The following NTN5 variants were observed in gnomAD, a reference collection of about 807,000 sequenced individuals.
The protein encoded by NTN5 is netrin 5, also known as netrin-5.
Under a neutral mutation model 38.7 loss-of-function variants are expected in NTN5, and 42 were observed. The observed-to-expected ratio is 1.08, with a 90% CI of 0.85 to 1.40. The LOEUF is 1.40. NTN5 is among the 40% of genes most tolerant of loss of function. NTN5 has a pLI of 0.00. For missense variants in NTN5, 658 were observed against 716.5 expected (o/e 0.92, Z 0.93); for synonymous variants, 329 against 303.9 (o/e 1.08, Z -0.86).
chr19:48,669,081 A>G (rs1230060835), intron 2 of NTN5, among the ~76,000 whole-genome samples: 3 of 145,352 alleles, frequency 2.1e-5, no homozygotes, highest in African/African-American at 5.3e-5. Context: ...CACTATCACC[A>G]TCATCACCAC....
chr19:48,666,187 G>A (rs1196780524), intron 2 of NTN5, among the ~76,000 whole-genome samples: 7 of 152,158 alleles, frequency 4.6e-5, no homozygotes, highest in African/African-American at 1.7e-4. Flanking sequence ...GTAGTTGGAG[G>A]CAGGACTTAA....
chr19:48,667,119 G>A (rs1186641311), intron 2 of NTN5, among the ~76,000 whole-genome samples: 1 of 152,116 alleles, frequency 6.6e-6, no homozygotes, highest in Non-Finnish European at 1.5e-5. Flanking sequence ...GTTTTTGTGG[G>A]CATTCAAAGT....
chr19:48,662,010 C>A lies in NTN5; in HGVS notation c.1137G>T (p.Ala379=). 6.7e-7 allele frequency: 1 copy of A among 1,487,050 alleles called. No homozygotes were observed. The allele number at this position is 1,487,050 out of a possible 1,614,324, so 92.1% of individuals were successfully genotyped here. Residue 379 remains alanine, a synonymous_variant, in exon 7 of 7, where the codon GCG becomes GCT. Transcript: ENST00000270235. ...CCAGCCGCTGCCATGCCGGGCCCGC[C>A]GCCTCGGACGCTAGCACCTGCGCGC... ...VLRAQVLASE[A]AGPAWQRLAV...
chr19:48,669,551 ACC>A (rs1344943121), intron 2 of NTN5, among the ~76,000 whole-genome samples: 2 of 38,048 alleles, frequency 5.3e-5, no homozygotes, highest in Non-Finnish European at 5.6e-5. Flanking sequence ...CACCACCACC[ACC>A]ATCACCACCA....
intron 2 of NTN5, among the ~76,000 whole-genome samples, chr19:48,669,718 C>T (rs1264566617): frequency 9.4e-5 from 10 of 106,236 alleles, no homozygotes; most frequent in East Asian, 7.0e-4. Flanking sequence ...ACCACCATCA[C>T]CACCACCACC....
chr19:48,661,608 G>C lies in NTN5; in HGVS notation c.*69C>G. ...TTGGCTCTCTGCAGTGCACCGTCGAGGTAGAAGGCTCAGCTCCTAGTCGCT... is the reference window on the plus strand; with the variant it reads ...TTGGCTCTCTGCAGTGCACCGTCGACGTAGAAGGCTCAGCTCCTAGTCGCT... On this transcript the variant is annotated 3_prime_UTR_variant, in exon 7 of 7. Coordinates refer to ENST00000270235, the MANE Select transcript of NTN5 (RefSeq NM_145807.4). 7.1e-7 allele frequency: 1 copy of C among 1,415,730 alleles called. No homozygotes were observed. The highest frequency in any genetic ancestry group is 1.5e-5 in the South Asian group (1 of 67,376). The allele number at this position is 1,415,730 out of a possible 1,614,324, so 87.7% of individuals were successfully genotyped here. A position where few individuals can be genotyped will look rare whatever the true frequency, so the allele number is the denominator to read the frequency against.
At chr19:48,664,548 C>T (rs778458958) in intron 3 of NTN5, 31 bp downstream of exon 3, 1 of 1,544,746 alleles carries the variant, frequency 6.5e-7, no homozygotes. Context: ...TACCTCTGCT[C>T]CCCCCAGGCC....
intron 2 of NTN5, among the ~76,000 whole-genome samples, chr19:48,669,593 A>ACCACCACCACCT: frequency 6.7e-5 from 1 of 15,004 alleles, no homozygotes. Context: ...CACGACCACC[A>ACCACCACCACCT]TCACCACCAC....
Position 48,669,772 on chromosome 19 carries a change from TCACCATCA to T in NTN5, c.631+576_631+583del, listed in dbSNP as rs2031874984. On this transcript the variant is annotated intron_variant, in intron 2 of 6. Transcript: ENST00000270235. Reference sequence around the variant, plus strand: ...ACCATCACCATCGTCACCACTACCATCACCATCACACCACCACCATCACCATCACCACC... The same window carrying T: ...ACCATCACCATCGTCACCACTACCATCACCACCACCATCACCATCACCACC... Among the ~76,000 whole-genome samples the T allele has an allele frequency of 5.6e-5, 3 of 53,348 alleles. No homozygotes were observed. The Admixed American group carries it at 6.5e-4, about 12-fold the overall frequency. 35.0% of individuals were successfully genotyped at this position (53,348 alleles called of 152,430 possible). A position where few individuals can be genotyped will look rare whatever the true frequency, so the allele number is the denominator to read the frequency against.
chr19:48,664,852 A>C, intron 2 of NTN5, 85 bp from the exon 3 acceptor site: 2 of 1,222,400 alleles, frequency 1.6e-6, no homozygotes, highest in South Asian at 3.6e-5. Flanking sequence ...CCCTGCCCTC[A>C]TGAAAGGAAG....
At chr19:48,665,637 G>A (rs1348485584) in intron 2 of NTN5, among the ~76,000 whole-genome samples, 2 of 151,998 alleles carry the variant, frequency 1.3e-5, no homozygotes, top group African/African-American at 4.8e-5. Context: ...CCTGGCCAGC[G>A]TGGTGAAACC....
Position 48,670,543 on chromosome 19 carries a change from T to C in NTN5, c.444A>G (p.Leu148=), listed in dbSNP as rs1208010535. Residue 148 remains leucine (L), a synonymous_variant, in exon 2 of 7, where the codon CTA becomes CTG. Transcript: ENST00000270235. The part of the protein sequence containing the change: ...LRVEFGGQAG[L]AAAGLRGRCQ... ...AGCGGCCTCTCAGCCCAGCTGCCGC[T>C]AGCCCGGCCTGGCCCCCAAACTCCA... 2.7e-6 allele frequency: 4 copies of C among 1,507,230 alleles called. No individual in the cohort carries two copies. Among genetic ancestry groups the C allele is most frequent in the African/African-American group, 2.8e-5 (2 of 71,836 alleles). The allele number at this position is 1,507,230 out of a possible 1,614,324, so 93.4% of individuals were successfully genotyped here.
chr19:48,667,453 C>T, intron 2 of NTN5: 1 of 359,390 alleles, frequency 2.8e-6, no homozygotes, highest in Non-Finnish European at 5.7e-6. Flanking sequence ...GCTGCCTCAT[C>T]CTCAGGCCTG....
rs1253343829 is a variant in NTN5, at chr19:48,663,291, C to A, written c.1105+172G>T. 8 of 715,910 alleles carry A rather than the reference C, an allele frequency of 1.1e-5. No homozygotes were observed. In the African/African-American group the frequency reaches 1.2e-4, roughly 11 times the overall value. 44.3% of individuals were successfully genotyped at this position (715,910 alleles called of 1,614,324 possible). A position where few individuals can be genotyped will look rare whatever the true frequency, so the allele number is the denominator to read the frequency against. On this transcript the variant is annotated intron_variant, in intron 6 of 6. Coordinates refer to ENST00000270235, the MANE Select transcript of NTN5 (RefSeq NM_145807.4). ...AGGTAGTGAATGCCCCCTCCCCACT[C>A]CCCTCCCCATTTGTCTTCTGCCCCA...
intron 2 of NTN5, among the ~76,000 whole-genome samples, chr19:48,665,480 G>A (rs9676755): frequency 0.37 from 54,881 of 150,202 alleles, 11,674 homozygotes; most frequent in African/African-American, 0.6. Context: ...TGGTAAGTCC[G>A]GGGGGACTCA....
rs764420964 is a variant in NTN5, at chr19:48,661,890, G to A, written c.1257C>T (p.Gly419=). The A allele has an allele frequency of 5.9e-6, 8 of 1,349,672 alleles. No homozygotes were observed. In the Admixed American group the frequency reaches 2.3e-4, roughly 39 times the overall value. 83.6% of individuals were successfully genotyped at this position (1,349,672 alleles called of 1,614,324 possible). A position where few individuals can be genotyped will look rare whatever the true frequency, so the allele number is the denominator to read the frequency against. ...CGGTGCCTGGCTGCAGGCGCAGGCA[G>A]CCGCAGGTCAGGTCGGCGCGGGGCA... ...AWVPRADLTC[G]CLRLQPGTDY... is the part of the protein sequence containing the mutation. The change falls in exon 7 of 7, where the codon GGC becomes GGT. Residue 419 remains glycine (G), a synonymous_variant. Coordinates refer to ENST00000270235, the MANE Select transcript of NTN5 (RefSeq NM_145807.4).
rs770023746 is a variant in NTN5 at position 48,670,818 on chromosome 19, C to T, written c.169G>A (p.Ala57Thr). The T allele has an allele frequency of 3.0e-5, 49 of 1,613,062 alleles. No homozygotes were observed. The highest frequency in any genetic ancestry group is 8.9e-5 in the East Asian group (4 of 44,880). Residue 57 changes from alanine (A) to threonine (T), a missense_variant, in exon 2 of 7, where the codon GCC (alanine) becomes ACC (threonine). By Grantham distance (58) the Ala-to-Thr change is moderately conservative (BLOSUM62 0). Coordinates refer to ENST00000270235, the MANE Select transcript of NTN5 (RefSeq NM_145807.4). ...CALSPGNHLG[A>T]RETCNGSLTL... ...AGGCTGCCATTGCAGGTTTCCCTGG[C>T]GCCAAGGTGGTTTCCTGGGGACAGG...
At chr19:48,668,389 G>A (rs1369301334) in intron 2 of NTN5, among the ~76,000 whole-genome samples, 3 of 152,016 alleles carry the variant, frequency 2.0e-5, no homozygotes, top group Non-Finnish European at 2.9e-5. Context: ...TTTCACTACA[G>A]CCTGTAAAGG....
chr19:48,664,808 T>G, intron 2 of NTN5, 41 bp from the exon 3 acceptor site: 1 of 1,470,480 alleles, frequency 6.8e-7, no homozygotes, highest in Non-Finnish European at 9.1e-7. Context: ...GGGCCGAGTG[T>G]GCTGCTCCCC....
Sources: gnomAD v4.1 joint callset for allele counts (sites outside exome capture counted in the v4.1 genomes callset) on GRCh38, gnomAD v4.1.1 for gene constraint, MANE v1.5 for transcripts, NCBI Gene and HGNC (gene_info 2026-07-23, HGNC 2026-07-21) for gene names.